Variants in MNAT1 observed in about 807,000 individuals in gnomAD.
MNAT1 encodes the protein CDK-activating kinase assembly factor MAT1.
In MNAT1, 43 loss-of-function variants were observed where a neutral mutation model predicts 42.0. That is an observed-to-expected ratio of 1.02 (90% confidence interval 0.80 to 1.32). MNAT1 has a LOEUF of 1.32. Among genes scored for constraint, MNAT1 ranks in the 40% most tolerant of loss-of-function variants. The pLI is 0.00. For synonymous variants in MNAT1, 118 were observed against 120.0 expected (o/e 0.98, Z 0.11); for missense variants, 306 against 350.4 (o/e 0.87, Z 1.01).
chr14:60,794,660 A>AAAAATATAT (rs1555375163), intron 1 of MNAT1, among the ~76,000 whole-genome samples: 1 of 28,634 alleles, frequency 3.5e-5, no homozygotes, highest in African/African-American at 1.4e-4. Context: ...AAAAAAAAAA[A>AAAAATATAT]ATATATATAT....
In MNAT1 at chr14:60,879,812, G is replaced by A. The variant is rs2034512884; in HGVS notation, c.786G>A (p.Glu262=). The change falls in exon 7 of 8, where the codon GAG becomes GAA. Residue 262 remains glutamate (E), a synonymous_variant. Coordinates refer to ENST00000261245, the MANE Select transcript of MNAT1 (RefSeq NM_002431.4). Reference sequence around the variant, plus strand: ...AGACATATGGACCACATGTTCCTGAGCTTGAGATGCTAGGAAGACTTGGGT... The same window carrying A: ...AGACATATGGACCACATGTTCCTGAACTTGAGATGCTAGGAAGACTTGGGT... The part of the protein sequence containing the change: ...QIETYGPHVP[E]LEMLGRLGYL... 1.2e-6 allele frequency: 2 copies of A among 1,612,906 alleles called. No individual in the cohort carries two copies. Among genetic ancestry groups the A allele is most frequent in the Non-Finnish European group, 1.7e-6 (2 of 1,179,324 alleles).
chr14:60,784,667 G>T (rs1027033506), intron 1 of MNAT1, among the ~76,000 whole-genome samples: 4 of 151,768 alleles, frequency 2.6e-5, no homozygotes, highest in African/African-American at 9.7e-5. Context: ...GTTTCTACAT[G>T]TTGGCCAGGC....
intron 7 of MNAT1, among the ~76,000 whole-genome samples, chr14:60,893,601 T>A (rs1276197524): frequency 6.6e-6 from 1 of 152,168 alleles, no homozygotes; most frequent in African/African-American, 2.4e-5. Context: ...ATTCTGTATT[T>A]TGATCTTGGT....
At chr14:60,756,972 A>G (rs185743545) in intron 1 of MNAT1, among the ~76,000 whole-genome samples, 21 of 152,244 alleles carry the variant, frequency 1.4e-4, no homozygotes, top group Non-Finnish European at 2.9e-5. Context: ...CCATTAGTGT[A>G]TTTGACCTGG....
At chr14:60,786,706 T>C (rs971146275) in intron 1 of MNAT1, among the ~76,000 whole-genome samples, 7 of 152,210 alleles carry the variant, frequency 4.6e-5, no homozygotes, top group Admixed American at 4.6e-4. Context: ...GCAAATCTTT[T>C]AAAAATGCTT....
At chr14:60,890,046 T>C (rs1040573272) in intron 7 of MNAT1, among the ~76,000 whole-genome samples, 8 of 152,212 alleles carry the variant, frequency 5.3e-5, no homozygotes, top group African/African-American at 1.7e-4. Flanking sequence ...AGTGTGGTGA[T>C]TCCTCAGGGA....
intron 4 of MNAT1, 57 bp downstream of exon 4, chr14:60,808,485 A>G (rs750561561): frequency 1.9e-6 from 2 of 1,072,008 alleles, no homozygotes. Context: ...TTTCCACATG[A>G]TACTTTAAAA....
At position 60,796,260 on chromosome 14, in the gene MNAT1, A is replaced by G. The variant is rs766044845; in HGVS notation, c.133A>G (p.Asn45Asp). Residue 45 changes from asparagine (N) to aspartate (D), a missense_variant, in exon 2 of 8, where the codon AAC becomes GAC. Asn to Asp is a conservative substitution (Grantham distance 23). Around this residue, in one of 3 missense-constraint regions of MNAT1, gnomAD observed 72 missense variants for 111.0 expected, o/e 0.65. Coordinates refer to ENST00000261245, the MANE Select transcript of MNAT1 (RefSeq NM_002431.4). ...TTTACTGTTTGTGAGAGGAGCTGGA[A>G]ACTGCCCTGAGTGTGGTACTCCACT... is the stretch of plus-strand genomic sequence containing the variant. Reference protein sequence around the residue: ...VDLLFVRGAGNCPECGTPLRK... With the variant: ...VDLLFVRGAGDCPECGTPLRK... 6.2e-7 allele frequency: 1 copy of G among 1,613,544 alleles called. No individual in the cohort carries two copies.
chr14:60,804,294 T>A (rs575558819), intron 3 of MNAT1, among the ~76,000 whole-genome samples: 1 of 152,350 alleles, frequency 6.6e-6, no homozygotes, highest in East Asian at 1.9e-4. Context: ...TCTTCACGGC[T>A]ATTGTACCAA....
At chr14:60,953,473 A>T (rs2139608038) in intron 7 of MNAT1, among the ~76,000 whole-genome samples, 1 of 152,272 alleles carries the variant, frequency 6.6e-6, no homozygotes, top group East Asian at 1.9e-4. Flanking sequence ...GGTACATACT[A>T]TTAGCAGAGG....
chr14:60,908,232 A>C (rs2035257107), intron 7 of MNAT1, among the ~76,000 whole-genome samples: 1 of 152,140 alleles, frequency 6.6e-6, no homozygotes, highest in Non-Finnish European at 1.5e-5. Context: ...TTTACGTTTA[A>C]ATTTTTTTAT....
At chr14:60,869,225 G>C (rs1306651561) in intron 6 of MNAT1, among the ~76,000 whole-genome samples, 2 of 147,926 alleles carry the variant, frequency 1.4e-5, no homozygotes, top group African/African-American at 2.5e-5. Flanking sequence ...TATTTTAATA[G>C]AGACGGGGTT....
chr14:60,842,269 C>T (rs780248681), intron 6 of MNAT1, among the ~76,000 whole-genome samples: 1 of 152,198 alleles, frequency 6.6e-6, no homozygotes, highest in South Asian at 2.1e-4. Context: ...TATTTGTTAA[C>T]TCCCACTTTA....
intron 1 of MNAT1, among the ~76,000 whole-genome samples, chr14:60,758,074 A>G (rs2030433188): frequency 6.6e-6 from 1 of 152,206 alleles, no homozygotes; most frequent in Non-Finnish European, 1.5e-5. Flanking sequence ...ATCTGAGGTC[A>G]TACTATATGT....
chr14:60,822,744 G>A (rs1394866221), intron 6 of MNAT1, among the ~76,000 whole-genome samples: 2 of 151,536 alleles, frequency 1.3e-5, no homozygotes, highest in Admixed American at 1.3e-4. Flanking sequence ...GTGCTCAGGC[G>A]GGAGCCTACT....
intron 6 of MNAT1, among the ~76,000 whole-genome samples, chr14:60,830,872 A>C (rs1392073211): frequency 6.6e-6 from 1 of 151,848 alleles, no homozygotes; most frequent in East Asian, 1.9e-4. Flanking sequence ...GCTGTGGTTA[A>C]GTTTGAAAAC....
At chr14:60,962,991 G>GT (rs1026741882) in intron 7 of MNAT1, among the ~76,000 whole-genome samples, 21 of 151,526 alleles carry the variant, frequency 1.4e-4, no homozygotes, top group East Asian at 3.9e-4. Context: ...TTTGTTTTTT[G>GT]TTTTTTTTAA....
chr14:60,798,847 C>G (rs1411365718), intron 3 of MNAT1, among the ~76,000 whole-genome samples: 3 of 152,022 alleles, frequency 2.0e-5, no homozygotes, highest in Admixed American at 6.5e-5. Flanking sequence ...TTGGAAATGA[C>G]ACAAAGGTTA....
intron 1 of MNAT1, among the ~76,000 whole-genome samples, chr14:60,774,320 C>T (rs1362521550): frequency 2.6e-5 from 4 of 152,062 alleles, no homozygotes; most frequent in Non-Finnish European, 5.9e-5. Flanking sequence ...TGCAGTTGCC[C>T]TAAGGCTTGA....
Sources: allele counts gnomAD v4.1 joint callset (sites outside exome capture counted in the v4.1 genomes callset), GRCh38; gene constraint gnomAD v4.1.1; regional missense constraint gnomAD v4.1.1; transcripts MANE v1.5; gene names NCBI Gene and HGNC (gene_info 2026-07-23, HGNC 2026-07-21).